Variants in C12orf42 observed in about 807,000 individuals in gnomAD.
C12orf42 encodes the protein uncharacterized protein C12orf42.
In C12orf42, 25 loss-of-function variants were observed where a neutral mutation model predicts 21.6. That is an observed-to-expected ratio of 1.16 (90% confidence interval 0.84 to 1.62). The LOEUF is 1.62. C12orf42 is among the 40% of genes most tolerant of loss of function. The pLI, the probability that C12orf42 is intolerant of heterozygous loss-of-function variation, is 0.00. For missense variants in C12orf42, 483 were observed against 459.3 expected, an observed-to-expected ratio of 1.05 and a Z score of -0.47; for synonymous variants, 174 against 175.0, an observed-to-expected ratio of 0.99 and a Z score of 0.05.
At chr12:103,537,469 A>T in the C12orf42 span, among the ~76,000 whole-genome samples, 2,060 of 152,314 alleles carry the variant, frequency 0.014, 28 homozygotes, top group Middle Eastern at 0.048. Context: ...GCTGGCTGAC[A>T]CCAAGAAAGT....
At chr12:103,222,243 G>A in the C12orf42 span, among the ~76,000 whole-genome samples, 22 of 151,834 alleles carry the variant, frequency 1.4e-4, no homozygotes, top group South Asian at 6.2e-4. Flanking sequence ...GGGTGGGGCC[G>A]TTTTATAGGA....
At chr12:103,325,895 A>G (rs755439624) in intron 4 of C12orf42, among the ~76,000 whole-genome samples, 1 of 152,162 alleles carries the variant, frequency 6.6e-6, no homozygotes, top group Non-Finnish European at 1.5e-5. Context: ...GACAACTTAA[A>G]GCATGGAGAA....
chr12:103,445,283 C>T (rs924305232), intron 2 of C12orf42, among the ~76,000 whole-genome samples: 14 of 152,032 alleles, frequency 9.2e-5, no homozygotes, highest in African/African-American at 2.9e-4. Flanking sequence ...AAAAATCCCA[C>T]GTTTTGTCTG....
At chr12:103,221,728 A>T in the C12orf42 span, among the ~76,000 whole-genome samples, 1 of 152,160 alleles carries the variant, frequency 6.6e-6, no homozygotes, top group Admixed American at 6.5e-5. Flanking sequence ...GGACAAACCC[A>T]TCCTTCAGTA....
the C12orf42 span, among the ~76,000 whole-genome samples, chr12:103,539,693 C>A: frequency 6.6e-6 from 1 of 152,054 alleles, no homozygotes. Context: ...GATTCTCCTG[C>A]CTCAGCCTCC....
intron 2 of C12orf42, among the ~76,000 whole-genome samples, chr12:103,413,873 T>C (rs1456532199): frequency 2.0e-5 from 3 of 152,196 alleles, no homozygotes; most frequent in Admixed American, 2.0e-4. Flanking sequence ...ATATTATATA[T>C]ACATCATTAT....
chr12:103,222,942 T>C, the C12orf42 span, among the ~76,000 whole-genome samples: 5 of 151,742 alleles, frequency 3.3e-5, no homozygotes, highest in African/African-American at 9.7e-5. Context: ...TTTCCTCTAC[T>C]TTCAGTCTCT....
At chr12:103,070,633 C>G in the C12orf42 span, among the ~76,000 whole-genome samples, 1 of 151,876 alleles carries the variant, frequency 6.6e-6, no homozygotes, top group Non-Finnish European at 1.5e-5. Flanking sequence ...TGTACTCATA[C>G]GACCACAAAT....
intron 4 of C12orf42, among the ~76,000 whole-genome samples, chr12:103,286,175 C>T (rs368954942): frequency 6.6e-6 from 1 of 151,752 alleles, no homozygotes; most frequent in Non-Finnish European, 1.5e-5. Context: ...GGCATGAACC[C>T]GGGAGGCGGA....
At chr12:103,198,389 G>C in the C12orf42 span, among the ~76,000 whole-genome samples, 1 of 152,130 alleles carries the variant, frequency 6.6e-6, no homozygotes. Context: ...CCTGGGAGAG[G>C]CCGGCAGACA....
At chr12:103,538,905 T>C in the C12orf42 span, among the ~76,000 whole-genome samples, 2 of 152,030 alleles carry the variant, frequency 1.3e-5, no homozygotes, top group East Asian at 1.9e-4. Flanking sequence ...GACATTGAGA[T>C]AATGGAAGGG....
At chr12:103,233,870 A>T (rs1342108479), downstream of C12orf42, among the ~76,000 whole-genome samples, 1 of 152,202 alleles carries the variant, frequency 6.6e-6, no homozygotes, top group Non-Finnish European at 1.5e-5. Context: ...AGAAGTGGTG[A>T]AAAGAGGCAT....
At chr12:103,156,748 A>C in the C12orf42 span, among the ~76,000 whole-genome samples, 3 of 151,696 alleles carry the variant, frequency 2.0e-5, no homozygotes, top group Non-Finnish European at 4.4e-5. Flanking sequence ...TTTCTGTGTT[A>C]GTTTGCTGAG....
At chr12:103,507,306 T>G in the C12orf42 span, among the ~76,000 whole-genome samples, 1 of 112,120 alleles carries the variant, frequency 8.9e-6, no homozygotes, top group Non-Finnish European at 1.7e-5. Flanking sequence ...CGTTATGCAT[T>G]TCTCTACTTT....
intron 4 of C12orf42, among the ~76,000 whole-genome samples, chr12:103,336,733 AAAG>A (rs2041733662): frequency 6.6e-6 from 1 of 152,226 alleles, no homozygotes; most frequent in Non-Finnish European, 1.5e-5. Flanking sequence ...TAATTTGAGC[AAAG>A]TCTTTTTTTT....
At chr12:103,095,806 G>A in the C12orf42 span, among the ~76,000 whole-genome samples, 1 of 152,120 alleles carries the variant, frequency 6.6e-6, no homozygotes, top group Admixed American at 6.5e-5. Context: ...AGAGTTGAAC[G>A]GGAGGACTTT....
the C12orf42 span, among the ~76,000 whole-genome samples, chr12:103,164,169 A>G: frequency 0.59 from 89,648 of 152,094 alleles, 26,825 homozygotes; most frequent in East Asian, 0.81. Flanking sequence ...AATGTATGGT[A>G]CTGACCATAA....
chr12:103,141,826 AG>A, the C12orf42 span, among the ~76,000 whole-genome samples: 1 of 152,154 alleles, frequency 6.6e-6, no homozygotes, highest in Non-Finnish European at 1.5e-5. Context: ...CACCGCACCC[AG>A]CCATAATAAA....
rs914419596 is a variant in C12orf42, at chr12:103,425,722, G to T, written c.79-24047C>A. ...CCCACAGCCGCCCCTTCCCCTAGGT[G>T]CTCTGTCCCAGGGAGATGGGATTTT... is the stretch of plus-strand genomic sequence containing the variant. On this transcript the variant is annotated intron_variant, in intron 2 of 5. Transcript: ENST00000548883. Among the ~76,000 whole-genome samples the T allele has an allele frequency of 4.6e-5, 7 of 151,578 alleles. 1 individual carries two copies. The highest frequency in any genetic ancestry group is 2.6e-4 in the Admixed American group (4 of 15,248).
Sources: allele counts gnomAD v4.1 joint callset (sites outside exome capture counted in the v4.1 genomes callset), GRCh38; gene constraint gnomAD v4.1.1; transcripts MANE v1.5; gene names NCBI Gene and HGNC (gene_info 2026-07-23, HGNC 2026-07-21).